IFT56: variants seen among roughly 807,000 people sequenced by gnomAD.
The protein encoded by IFT56 is intraflagellar transport 56.
the IFT56 span, chr7:139,174,046 A>G: frequency 1.6e-6 from 1 of 610,084 alleles, no homozygotes; most frequent in East Asian, 4.1e-5. Flanking sequence ...GAGTCAATCA[A>G]CACCAGGCAA....
the IFT56 span, among the ~76,000 whole-genome samples, chr7:139,158,379 A>G: frequency 6.6e-6 from 1 of 151,544 alleles, no homozygotes; most frequent in Non-Finnish European, 1.5e-5. Context: ...TCAAAGGAAA[A>G]GCTTTTGATG....
At chr7:139,172,679 A>G in the IFT56 span, 1 of 619,390 alleles carries the variant, frequency 1.6e-6, no homozygotes, top group Non-Finnish European at 3.1e-6. Flanking sequence ...CATCTTTCCA[A>G]GGATTTCTGG....
the IFT56 span, among the ~76,000 whole-genome samples, chr7:139,160,327 G>A: frequency 1.4e-4 from 22 of 152,106 alleles, no homozygotes; most frequent in Non-Finnish European, 1.8e-4. Context: ...GGCTTAGTTC[G>A]TTAATCACCT....
chr7:139,173,982 A>C, the IFT56 span: 4 of 648,870 alleles, frequency 6.2e-6, no homozygotes, highest in Non-Finnish European at 1.2e-5. Flanking sequence ...GGAACTGCTT[A>C]ATGAATTTTC....
chr7:139,133,981 C>T, the IFT56 span: 8 of 1,214,466 alleles, frequency 6.6e-6, no homozygotes, highest in Non-Finnish European at 9.7e-6. Context: ...CCCCAGCTCT[C>T]CCTGTGTTCC....
chr7:139,140,106 A>G, the IFT56 span: 2 of 703,224 alleles, frequency 2.8e-6, no homozygotes, highest in Admixed American at 3.4e-5. Flanking sequence ...GAAAAAAAAA[A>G]TTGATATTAG....
the IFT56 span, among the ~76,000 whole-genome samples, chr7:139,164,024 T>C: frequency 6.6e-6 from 1 of 152,196 alleles, no homozygotes; most frequent in East Asian, 1.9e-4. Flanking sequence ...GATTTGTTTG[T>C]TTGTTTGTTT....
At chr7:139,144,474 A>G in the IFT56 span, among the ~76,000 whole-genome samples, 2 of 151,994 alleles carry the variant, frequency 1.3e-5, no homozygotes, top group African/African-American at 4.8e-5. Flanking sequence ...GTATTACACT[A>G]CATCAGGTTC....
the IFT56 span, chr7:139,172,547 T>C: frequency 1.9e-6 from 1 of 525,776 alleles, no homozygotes; most frequent in Non-Finnish European, 3.8e-6. Context: ...GCTGCTGTAA[T>C]GCACCTCACA....
At chr7:139,179,470 G>C in the IFT56 span, 149 of 862,894 alleles carry the variant, frequency 1.7e-4, no homozygotes, top group African/African-American at 2.4e-3. Context: ...GAATTGGGCT[G>C]TCTATAATGC....
chr7:139,141,902 T>C, the IFT56 span, among the ~76,000 whole-genome samples: 1 of 152,208 alleles, frequency 6.6e-6, no homozygotes, highest in Non-Finnish European at 1.5e-5. Context: ...CATACACACA[T>C]TGAGATGACC....
the IFT56 span, among the ~76,000 whole-genome samples, chr7:139,185,825 T>A: frequency 1.1e-4 from 17 of 151,932 alleles, no homozygotes; most frequent in African/African-American, 3.1e-4. Flanking sequence ...AGACTTTTTT[T>A]AAAAAGAGTA....
chr7:139,138,506 C>T, the IFT56 span, among the ~76,000 whole-genome samples: 1 of 152,158 alleles, frequency 6.6e-6, no homozygotes, highest in African/African-American at 2.4e-5. Flanking sequence ...AGGAGGGCTA[C>T]TGTATATGTA....
At chr7:139,134,545 G>T in the IFT56 span, 1,376 of 1,257,794 alleles carry the variant, frequency 1.1e-3, 16 homozygotes, top group African/African-American at 0.019. Flanking sequence ...TGGGATTACA[G>T]GCATGAGCCA....
chr7:139,191,860 T>C, the IFT56 span: 2 of 152,364 alleles, frequency 1.3e-5, no homozygotes, highest in Admixed American at 6.5e-5. Flanking sequence ...ATCAGTGTAC[T>C]ATTTATAGTC....
At chr7:139,169,620 C>T in the IFT56 span, among the ~76,000 whole-genome samples, 1 of 152,138 alleles carries the variant, frequency 6.6e-6, no homozygotes, top group Admixed American at 6.6e-5. Flanking sequence ...TTATTTTTTA[C>T]TGAGTTTTCA....
the IFT56 span, chr7:139,172,866 C>G: frequency 1.0e-5 from 7 of 688,096 alleles, no homozygotes; most frequent in Non-Finnish European, 1.9e-5. Flanking sequence ...TGCTAGGAGT[C>G]AGAGGAATAG....
chr7:139,160,658 G>T, the IFT56 span, among the ~76,000 whole-genome samples: 1 of 152,068 alleles, frequency 6.6e-6, no homozygotes, highest in Non-Finnish European at 1.5e-5. Flanking sequence ...ACATGGTCTC[G>T]ATCTGTTGAC....
chr7:139,174,577 A>G, the IFT56 span, among the ~76,000 whole-genome samples: 3 of 152,218 alleles, frequency 2.0e-5, no homozygotes, highest in Non-Finnish European at 4.4e-5. Context: ...ACAAAGTGAA[A>G]TGAGAACCCA....
Sources: gnomAD v4.1 joint callset for allele counts (sites outside exome capture counted in the v4.1 genomes callset) on GRCh38, gnomAD v4.1.1 for gene constraint, MANE v1.5 for transcripts, NCBI Gene and HGNC (gene_info 2026-07-23, HGNC 2026-07-21) for gene names.